The following HELLS variants were observed in gnomAD, a reference collection of about 807,000 sequenced individuals.
The protein encoded by HELLS is helicase, lymphoid specific, also known as lymphoid-specific helicase.
HELLS carries 32 observed loss-of-function variants against 120.0 expected under a neutral mutation model. The ratio of observed to expected loss-of-function variants is 0.27; its 90% CI spans 0.20 to 0.36. The LOEUF is 0.36. Among genes scored for constraint, HELLS ranks in the 10% least tolerant of loss-of-function variants. The pLI is 1.00. For missense variants in HELLS, 650 were observed against 993.4 expected (o/e 0.65, Z 4.65); for synonymous variants, 341 against 323.4 (o/e 1.05, Z -0.58).
chr10:94,554,644 GTTT>G (rs199878580), intron 3 of HELLS, among the ~76,000 whole-genome samples: 4 of 103,068 alleles, frequency 3.9e-5, no homozygotes, highest in African/African-American at 1.2e-4. Flanking sequence ...AAGTAATAGT[GTTT>G]TTTTTTTTGT....
chr10:94,577,832 C>A (rs1351465928), intron 10 of HELLS, among the ~76,000 whole-genome samples: 1 of 151,972 alleles, frequency 6.6e-6, no homozygotes, highest in African/African-American at 2.4e-5. Context: ...GAGGCCGAGG[C>A]GGGTGGATCA....
At chr10:94,588,183 A>G (rs1420490062) in intron 12 of HELLS, 46 bp from the exon 13 acceptor site, 2 of 1,200,460 alleles carry the variant, frequency 1.7e-6, no homozygotes, top group Admixed American at 4.4e-5. Context: ...CTTGAAAAAC[A>G]AGAATGTTTA....
chr10:94,549,295 T>C (rs1842875442), intron 2 of HELLS, among the ~76,000 whole-genome samples: 1 of 152,198 alleles, frequency 6.6e-6, no homozygotes, highest in African/African-American at 2.4e-5. Flanking sequence ...TATGGGCATG[T>C]ATTTAGAAGT....
chr10:94,598,211 C>T (rs1431563831), intron 21 of HELLS, among the ~76,000 whole-genome samples: 1 of 152,184 alleles, frequency 6.6e-6, no homozygotes, highest in Non-Finnish European at 1.5e-5. Flanking sequence ...TTTTTCCCAA[C>T]TGTATTCCGT....
intron 19 of HELLS, among the ~76,000 whole-genome samples, chr10:94,595,731 T>A (rs1324770867): frequency 6.6e-6 from 1 of 152,196 alleles, no homozygotes; most frequent in Non-Finnish European, 1.5e-5. Flanking sequence ...ACCATAAAAT[T>A]TTCTTTGAAT....
At chr10:94,576,895 C>G in intron 10 of HELLS, 90 bp downstream of exon 10, 1 of 1,247,530 alleles carries the variant, frequency 8.0e-7, no homozygotes, top group East Asian at 2.4e-5. Context: ...GAGCATTTGT[C>G]TAATTTTTTT....
chr10:94,595,317 A>G (rs567654335), intron 19 of HELLS, among the ~76,000 whole-genome samples: 9 of 152,332 alleles, frequency 5.9e-5, no homozygotes, highest in Admixed American at 2.0e-4. Context: ...CACCATAGAC[A>G]TAAAAGAAAG....
chr10:94,572,665 AT>A (rs766344956), intron 7 of HELLS, among the ~76,000 whole-genome samples: 12 of 152,330 alleles, frequency 7.9e-5, no homozygotes, highest in Non-Finnish European at 1.6e-4. Context: ...ATGTGTAGAC[AT>A]GTTTTCATAC....
chr10:94,588,947 G>T (rs1845317983), intron 13 of HELLS, among the ~76,000 whole-genome samples: 2 of 152,156 alleles, frequency 1.3e-5, no homozygotes, highest in African/African-American at 2.4e-5. Flanking sequence ...GGGAATTTGA[G>T]ACCAGTCTGA....
At chr10:94,595,498 CTA>C (rs1441184703) in intron 19 of HELLS, among the ~76,000 whole-genome samples, 1 of 152,130 alleles carries the variant, frequency 6.6e-6, no homozygotes, top group Non-Finnish European at 1.5e-5. Context: ...TATAAAAAAT[CTA>C]TTTATTTATT....
chr10:94,545,906 G>C lies in HELLS; in HGVS notation c.-16G>C, dbSNP rs1447687350. 6.4e-7 allele frequency: 1 copy of C among 1,553,796 alleles called. No homozygotes were observed. Among genetic ancestry groups the C allele is most frequent in the South Asian group, 1.2e-5 (1 of 84,224 alleles). ...TCTGAGAGGAGGGGACCCGGTTCCC[G>C]GGTGAGTGTCCAGGCATGCCAGCGG... On this transcript the variant is annotated 5_prime_UTR_variant, in exon 1 of 22. Coordinates refer to ENST00000348459, the MANE Select transcript of HELLS (RefSeq NM_018063.5).
intron 18 of HELLS, 53 bp from the exon 19 acceptor site, chr10:94,594,642 A>G (rs1230119656): frequency 7.4e-7 from 1 of 1,355,562 alleles, no homozygotes; most frequent in Non-Finnish European, 1.0e-6. Context: ...ACATGAGTTT[A>G]TGTTAATTTT....
At chr10:94,606,821 AG>A (rs1388771153), downstream of HELLS, among the ~76,000 whole-genome samples, 1 of 152,224 alleles carries the variant, frequency 6.6e-6, no homozygotes, top group Non-Finnish European at 1.5e-5. Context: ...AATCTCTCTA[AG>A]CTCCATGCAT....
At chr10:94,592,702 A>G (rs1036493361) in intron 17 of HELLS, among the ~76,000 whole-genome samples, 188 bp downstream of exon 17, 2 of 152,050 alleles carry the variant, frequency 1.3e-5, no homozygotes, top group African/African-American at 2.4e-5. Context: ...TCACAAATAT[A>G]TATATCTTCT....
At chr10:94,608,597 A>G (rs1846154571) in intron 9 of HELLS, among the ~76,000 whole-genome samples, 1 of 152,028 alleles carries the variant, frequency 6.6e-6, no homozygotes, top group Non-Finnish European at 1.5e-5. Context: ...TGTTATTTGT[A>G]AAACAGTATA....
downstream of HELLS, among the ~76,000 whole-genome samples, chr10:94,605,254 T>G (rs1361324313): frequency 6.6e-6 from 1 of 151,988 alleles, no homozygotes; most frequent in Non-Finnish European, 1.5e-5. Flanking sequence ...AGCTAATTTT[T>G]GTATTTTTAG....
At chr10:94,575,561 T>A (rs551790674) in intron 9 of HELLS, among the ~76,000 whole-genome samples, 4 of 152,124 alleles carry the variant, frequency 2.6e-5, no homozygotes, top group African/African-American at 7.2e-5. Flanking sequence ...TAGCTGGGAC[T>A]ACAGGCGCAC....
intron 15 of HELLS, among the ~76,000 whole-genome samples, chr10:94,591,105 A>G (rs570958121): frequency 3.9e-5 from 6 of 152,312 alleles, no homozygotes; most frequent in South Asian, 2.1e-4. Context: ...GAGTGCTAGG[A>G]TTACAGGCAA....
chr10:94,568,205 GC>G (rs1267836887), intron 6 of HELLS, among the ~76,000 whole-genome samples: 1 of 145,768 alleles, frequency 6.9e-6, no homozygotes, highest in South Asian at 2.2e-4. Context: ...ACCGCGCCTG[GC>G]CCTTTTTTTT....
Sources: allele counts gnomAD v4.1 joint callset (sites outside exome capture counted in the v4.1 genomes callset), GRCh38; gene constraint gnomAD v4.1.1; transcripts MANE v1.5; gene names NCBI Gene and HGNC (gene_info 2026-07-23, HGNC 2026-07-21).